The following POLD3 variants were observed in gnomAD, a reference collection of about 807,000 sequenced individuals.
POLD3 encodes DNA polymerase delta 3, accessory subunit, also known as DNA polymerase delta subunit 3.
A neutral mutation model predicts 58.2 loss-of-function variants in POLD3; 19 were observed. The observed-to-expected ratio is 0.33, with a 90% CI of 0.23 to 0.48. The LOEUF (loss-of-function observed/expected upper bound fraction) is 0.48, where lower values mean the gene tolerates loss of function less well. Among genes scored for constraint, POLD3 ranks in the 20% least tolerant of loss-of-function variants. The pLI, the probability that POLD3 is intolerant of heterozygous loss-of-function variation, is 0.99. For synonymous variants in POLD3, 172 were observed against 193.5 expected, an observed-to-expected ratio of 0.89 and a Z score of 0.92; for missense variants, 504 against 545.5, an observed-to-expected ratio of 0.92 and a Z score of 0.76.
At chr11:74,660,195 T>C (rs1343619729) in intron 4 of POLD3, among the ~76,000 whole-genome samples, 1 of 152,096 alleles carries the variant, frequency 6.6e-6, no homozygotes, top group Non-Finnish European at 1.5e-5. Flanking sequence ...CTCACTATCA[T>C]GAGAATAGCA....
At chr11:74,658,593 C>T (rs1277134736) in intron 4 of POLD3, among the ~76,000 whole-genome samples, 5 of 152,178 alleles carry the variant, frequency 3.3e-5, no homozygotes, top group Admixed American at 2.6e-4. Context: ...TTCCTAGATA[C>T]AGTGGGGATA....
chr11:74,597,259 T>C (rs1056816083), intron 2 of POLD3, among the ~76,000 whole-genome samples: 23 of 152,218 alleles, frequency 1.5e-4, no homozygotes, highest in African/African-American at 5.5e-4. Flanking sequence ...TGTGTTTTCT[T>C]TTTGATGTGT....
At chr11:74,600,139 G>GT (rs2031437337) in intron 2 of POLD3, among the ~76,000 whole-genome samples, 2 of 151,390 alleles carry the variant, frequency 1.3e-5, no homozygotes, top group African/African-American at 4.9e-5. Context: ...TAGAGATGGG[G>GT]TTTCACCATG....
At chr11:74,620,731 CCT>C (rs1024761612) in intron 7 of POLD3, among the ~76,000 whole-genome samples, 13 of 152,188 alleles carry the variant, frequency 8.5e-5, no homozygotes, top group Non-Finnish European at 1.6e-4. Flanking sequence ...GTGTACATCC[CCT>C]GAGAGTATGT....
chr11:74,662,495 C>T (rs1006817347), intron 4 of POLD3, among the ~76,000 whole-genome samples: 3 of 152,016 alleles, frequency 2.0e-5, no homozygotes, highest in Admixed American at 6.6e-5. Flanking sequence ...GGGCCTGGAA[C>T]GGGGGCCTCA....
At chr11:74,622,443 TG>T (rs2032293087) in intron 7 of POLD3, among the ~76,000 whole-genome samples, 1 of 152,204 alleles carries the variant, frequency 6.6e-6, no homozygotes, top group African/African-American at 2.4e-5. Flanking sequence ...GGTGTTATGA[TG>T]GCATGTAACA....
At chr11:74,595,743 G>A (rs7125480) in intron 2 of POLD3, among the ~76,000 whole-genome samples, 42,072 of 151,904 alleles carry the variant, frequency 0.28, 5,920 homozygotes, top group Middle Eastern at 0.36. Context: ...TCAGCCTCCC[G>A]AGTAGCCGGG....
chr11:74,653,409 G>GTAT (rs1445562582), intron 4 of POLD3, among the ~76,000 whole-genome samples: 3 of 151,644 alleles, frequency 2.0e-5, no homozygotes, highest in Non-Finnish European at 4.4e-5. Context: ...GAGTATGGAA[G>GTAT]TATAGTATAC....
chr11:74,630,325 T>TGAAAA (rs1246940529), intron 9 of POLD3, among the ~76,000 whole-genome samples: 1 of 150,936 alleles, frequency 6.6e-6, no homozygotes, highest in Non-Finnish European at 1.5e-5. Context: ...TACAAGTGAG[T>TGAAAA]GAAAAAAAAA....
chr11:74,631,850 C>T (rs140454189), intron 9 of POLD3, among the ~76,000 whole-genome samples: 255 of 152,216 alleles, frequency 1.7e-3, no homozygotes, highest in African/African-American at 5.9e-3. Context: ...TCTACTCTTC[C>T]TGCTGAGGTG....
chr11:74,634,276 A>T (rs1028124084), intron 9 of POLD3, among the ~76,000 whole-genome samples: 1 of 152,244 alleles, frequency 6.6e-6, no homozygotes, highest in Admixed American at 6.5e-5. Context: ...AGTGAAATAC[A>T]TGGCATATGA....
At chr11:74,608,516 C>T (rs983324627) in intron 3 of POLD3, among the ~76,000 whole-genome samples, 2 of 152,186 alleles carry the variant, frequency 1.3e-5, no homozygotes, top group South Asian at 2.1e-4. Flanking sequence ...GGCTTACCCC[C>T]TCCTAGGCTC....
intron 4 of POLD3, among the ~76,000 whole-genome samples, chr11:74,665,813 A>G (rs1367217255): frequency 6.6e-6 from 1 of 152,244 alleles, no homozygotes; most frequent in Non-Finnish European, 1.5e-5. Flanking sequence ...TAATGGTGAA[A>G]GACTGAAAAC....
chr11:74,629,452 CTCTT>C, intron 9 of POLD3, 129 bp downstream of exon 9: 1 of 533,142 alleles, frequency 1.9e-6, no homozygotes, highest in Non-Finnish European at 3.3e-6. Context: ...ACCATAGCAC[CTCTT>C]TCTGTTTGAA....
At chr11:74,629,189 C>T (rs369259890) in intron 8 of POLD3, 28 bp from the exon 9 acceptor site, 99 of 1,350,126 alleles carry the variant, frequency 7.3e-5, no homozygotes, top group African/African-American at 6.5e-4. Flanking sequence ...CTGTGTAACA[C>T]GCTTAATTTA....
rs1473340397 is a variant in POLD3, at chr11:74,618,599, C to T, written c.455C>T (p.Ser152Phe). ...GCTCCTGCTGAATCCTCTTCGTCTT[C>T]CAAAAAGTTTGAGCAGTCACATCTT... ...PRAPAESSSS[S>F]KKFEQSHLHM... The change falls in exon 6 of 12, where the codon TCC (serine) becomes TTC (phenylalanine). Residue 152 changes from serine (S) to phenylalanine (F), a missense_variant. Coordinates refer to ENST00000263681, the MANE Select transcript of POLD3 (RefSeq NM_006591.3). 1 of 1,613,948 alleles carries T rather than the reference C, an allele frequency of 6.2e-7. No homozygotes were observed. Among genetic ancestry groups the T allele is most frequent in the South Asian group, 1.1e-5 (1 of 91,082 alleles).
intron 2 of POLD3, among the ~76,000 whole-genome samples, chr11:74,602,153 A>G (rs1055946988): frequency 6.6e-6 from 1 of 151,782 alleles, no homozygotes; most frequent in Non-Finnish European, 1.5e-5. Flanking sequence ...TATATTGCCC[A>G]GTCAGGTCTT....
At chr11:74,648,504 A>C (rs1384879648) in intron 4 of POLD3, among the ~76,000 whole-genome samples, 1 of 152,196 alleles carries the variant, frequency 6.6e-6, no homozygotes, top group Non-Finnish European at 1.5e-5. Context: ...AGATTCACAG[A>C]GGAGGAAGTG....
At chr11:74,662,705 C>T (rs970934062) in intron 4 of POLD3, among the ~76,000 whole-genome samples, 1 of 152,030 alleles carries the variant, frequency 6.6e-6, no homozygotes, top group Non-Finnish European at 1.5e-5. Context: ...AGGTCACATG[C>T]CCCCCAGGTC....
Sources: gnomAD v4.1 joint callset for allele counts (sites outside exome capture counted in the v4.1 genomes callset) on GRCh38, gnomAD v4.1.1 for gene constraint, MANE v1.5 for transcripts, NCBI Gene and HGNC (gene_info 2026-07-23, HGNC 2026-07-21) for gene names.